FBXL17: variants seen among roughly 807,000 people sequenced by gnomAD.
FBXL17 encodes F-box and leucine rich repeat protein 17.
FBXL17 carries 22 observed loss-of-function variants against 66.2 expected under a neutral mutation model. The ratio of observed to expected loss-of-function variants is 0.33; its 90% CI spans 0.24 to 0.47. FBXL17 has a LOEUF of 0.47. FBXL17 is among the 20% of genes least tolerant of loss of function. FBXL17 has a pLI of 1.00. For synonymous variants in FBXL17, 474 were observed against 400.5 expected (o/e 1.18, Z -2.19); for missense variants, 878 against 948.2 (o/e 0.93, Z 0.97).
chr5:108,356,880 G>A (rs12520536), intron 3 of FBXL17, among the ~76,000 whole-genome samples: 3,402 of 152,090 alleles, frequency 0.022, 60 homozygotes, highest in Middle Eastern at 0.031. Flanking sequence ...TGTCACTCTG[G>A]TGAGGGATAC....
rs1023939973 is a variant in FBXL17, at chr5:108,381,808, G to GCGCACACACA, written c.-127_-118dup. 20 of 1,352,304 alleles carry GCGCACACACA rather than the reference G, an allele frequency of 1.5e-5. No individual in the cohort carries two copies. The highest frequency in any genetic ancestry group is 2.7e-4 in the Middle Eastern group (1 of 3,680). 83.8% of individuals were successfully genotyped at this position (1,352,304 alleles called of 1,614,324 possible). A position where few individuals can be genotyped will look rare whatever the true frequency, so the allele number is the denominator to read the frequency against. On this transcript the variant is annotated 5_prime_UTR_variant, in exon 1 of 9. Transcript: ENST00000542267. ...GGCCCCCGGAGGGGTCGCCCTTCCT[G>GCGCACACACA]CGCACACACACGCACACACGGGCAC...
chr5:108,263,004 C>T (rs1311463881), intron 4 of FBXL17, among the ~76,000 whole-genome samples: 1 of 152,138 alleles, frequency 6.6e-6, no homozygotes, highest in Non-Finnish European at 1.5e-5. Flanking sequence ...AACTCAGTGA[C>T]AAAATTAATT....
intron 7 of FBXL17, among the ~76,000 whole-genome samples, chr5:107,945,307 T>C (rs1276555683): frequency 6.6e-6 from 1 of 152,140 alleles, no homozygotes; most frequent in East Asian, 1.9e-4. Context: ...TTATACCTGA[T>C]GGTGAGAGTA....
chr5:108,312,254 C>A (rs1277024700), intron 4 of FBXL17, among the ~76,000 whole-genome samples: 1 of 152,066 alleles, frequency 6.6e-6, no homozygotes, highest in Non-Finnish European at 1.5e-5. Flanking sequence ...ATAAAAAACA[C>A]AATTTTTAAA....
intron 8 of FBXL17, among the ~76,000 whole-genome samples, chr5:107,871,033 G>A (rs921679460): frequency 2.7e-5 from 3 of 110,162 alleles, no homozygotes; most frequent in African/African-American, 3.4e-5. Context: ...TCATACAGAG[G>A]TAAGAAATAT....
intron 4 of FBXL17, among the ~76,000 whole-genome samples, chr5:108,280,614 CA>C (rs1158534466): frequency 6.7e-6 from 1 of 149,592 alleles, no homozygotes; most frequent in East Asian, 2.0e-4. Flanking sequence ...GAAAAAAAAA[CA>C]AAGAATTTAG....
intron 6 of FBXL17, among the ~76,000 whole-genome samples, chr5:108,165,685 G>C (rs1201125172): frequency 1.3e-5 from 2 of 152,114 alleles, no homozygotes; most frequent in Non-Finnish European, 2.9e-5. Flanking sequence ...TTTCAAAATA[G>C]CAAAATATAG....
intron 6 of FBXL17, among the ~76,000 whole-genome samples, chr5:108,024,297 T>G (rs576491668): frequency 6.6e-6 from 1 of 152,176 alleles, no homozygotes; most frequent in South Asian, 2.1e-4. Context: ...CAAATACTTT[T>G]AAAGTAGCTC....
Position 108,240,340 on chromosome 5 carries a change from T to G in FBXL17, c.1507-16112A>C, listed in dbSNP as rs1171351007. On this transcript the variant is annotated intron_variant, in intron 4 of 8. Coordinates refer to ENST00000542267, the MANE Select transcript of FBXL17 (RefSeq NM_001163315.3). ...AGAGAGAAGCCAACTGCCCTGAAGG[T>G]GAGTCCTAGGCCTGGCAGCACTCAT... Among the ~76,000 whole-genome samples the G allele has an allele frequency of 5.3e-5, 8 of 152,160 alleles. No individual in the cohort carries two copies. In the East Asian group the frequency reaches 1.5e-3, roughly 29 times the overall value.
At chr5:108,051,275 C>T (rs1342935867) in intron 6 of FBXL17, among the ~76,000 whole-genome samples, 3 of 152,098 alleles carry the variant, frequency 2.0e-5, no homozygotes, top group African/African-American at 7.2e-5. Context: ...TGGGAAGAGA[C>T]ACAACAACAA....
intron 7 of FBXL17, among the ~76,000 whole-genome samples, chr5:108,020,478 A>G (rs373805631): frequency 7.9e-5 from 12 of 152,094 alleles, no homozygotes; most frequent in South Asian, 4.1e-4. Context: ...GACATTCCCA[A>G]TGCTTTCCAG....
intron 7 of FBXL17, among the ~76,000 whole-genome samples, chr5:107,965,528 T>A (rs1752090491): frequency 6.6e-6 from 1 of 152,130 alleles, no homozygotes; most frequent in South Asian, 2.1e-4. Context: ...AATAAGATGC[T>A]GTAAAATAGA....
intron 6 of FBXL17, among the ~76,000 whole-genome samples, chr5:108,110,063 T>C (rs1049916388): frequency 3.3e-5 from 5 of 152,136 alleles, no homozygotes; most frequent in Non-Finnish European, 5.9e-5. Context: ...GATCATAGCC[T>C]ATTGGTACCA....
At position 108,005,258 on chromosome 5, in the gene FBXL17, C is replaced by T. The variant is rs144628368; in HGVS notation, c.1822+15667G>A. Among the ~76,000 whole-genome samples, 56 of 152,136 alleles carry T rather than the reference C, an allele frequency of 3.7e-4. No individual in the cohort carries two copies. The East Asian group carries it at 8.3e-3, about 23-fold the overall frequency. On this transcript the variant is annotated intron_variant, in intron 7 of 8. Transcript: ENST00000542267. ...ACTTATTCCTGTGGCTATGTCTGGA[C>T]GATACGTAAAGTATCAGAGTCCCAG...
In FBXL17 at chr5:107,987,382, C is replaced by T. The variant is rs151258762; in HGVS notation, c.1822+33543G>A. ...AGGAAGGTGAATGAATTTTACCTCC[C>T]TGGTGCTAAAGCCGATCTTGAAAAT... On this transcript the variant is annotated intron_variant, in intron 7 of 8. Coordinates refer to ENST00000542267, the MANE Select transcript of FBXL17 (RefSeq NM_001163315.3). Among the ~76,000 whole-genome samples the T allele has an allele frequency of 5.5e-3, 842 of 151,926 alleles. 14 individuals carry two copies. The highest frequency in any genetic ancestry group is 0.019 in the African/African-American group (786 of 41,478).
At chr5:108,031,337 TA>T (rs1383934734) in intron 6 of FBXL17, among the ~76,000 whole-genome samples, 2 of 151,750 alleles carry the variant, frequency 1.3e-5, no homozygotes, top group African/African-American at 2.4e-5. Context: ...GCAATGAGGG[TA>T]AAAAATAGGT....
chr5:107,935,977 A>T (rs1453001409), intron 7 of FBXL17, among the ~76,000 whole-genome samples: 1 of 152,130 alleles, frequency 6.6e-6, no homozygotes, highest in Non-Finnish European at 1.5e-5. Flanking sequence ...ACACAGAAAA[A>T]CTTAATTGGG....
intron 4 of FBXL17, among the ~76,000 whole-genome samples, chr5:108,240,910 A>C (rs1213654962): frequency 1.3e-5 from 2 of 152,128 alleles, no homozygotes; most frequent in African/African-American, 4.8e-5. Context: ...GTTTGGGAGA[A>C]AGTTAAGAGT....
chr5:107,988,072 A>T (rs1753090923), intron 7 of FBXL17, among the ~76,000 whole-genome samples: 1 of 152,046 alleles, frequency 6.6e-6, no homozygotes, highest in Non-Finnish European at 1.5e-5. Flanking sequence ...ATTAAAAACA[A>T]GAATGTCATC....
Sources: allele counts gnomAD v4.1 joint callset (sites outside exome capture counted in the v4.1 genomes callset), GRCh38; gene constraint gnomAD v4.1.1; transcripts MANE v1.5; gene names NCBI Gene and HGNC (gene_info 2026-07-23, HGNC 2026-07-21).